Variants in MINDY4 observed in about 807,000 individuals in gnomAD.
MINDY4 encodes the protein probable ubiquitin carboxyl-terminal hydrolase MINDY-4.
A neutral mutation model predicts 87.0 loss-of-function variants in MINDY4; 68 were observed. The ratio of observed to expected loss-of-function variants is 0.78; its 90% confidence interval spans 0.64 to 0.96. The LOEUF is 0.96. Among genes scored for constraint, MINDY4 ranks in the 40% least tolerant of loss-of-function variants. The pLI is 0.00. For missense variants in MINDY4, 919 were observed against 928.2 expected (o/e 0.99, Z 0.13); for synonymous variants, 379 against 363.2 (o/e 1.04, Z -0.50).
In MINDY4 at chr7:30,836,682, G is replaced by T; in HGVS notation, c.1157G>T (p.Arg386Met). ...RLEDVEDELI[R>M]EEVILSPVPS... Reference sequence around the variant, plus strand: ...GAGGATGTGGAGGATGAGTTGATAAGGGAAGAGGTCATCCTGTCGCCAGTC... The same window carrying T: ...GAGGATGTGGAGGATGAGTTGATAATGGAAGAGGTCATCCTGTCGCCAGTC... The change falls in exon 7 of 18, where the codon AGG (arginine) becomes ATG (methionine). Residue 386 changes from arginine to methionine, a missense_variant. By Grantham distance (91) the Arg-to-Met change is moderately conservative (BLOSUM62 -1). Transcript: ENST00000265299. 3.1e-6 allele frequency: 5 copies of T among 1,614,134 alleles called. No individual in the cohort carries two copies. Among genetic ancestry groups the T allele is most frequent in the Non-Finnish European group, 4.2e-6 (5 of 1,180,002 alleles).
chr7:30,862,254 G>A (rs77816591), intron 13 of MINDY4, among the ~76,000 whole-genome samples: 2 of 152,200 alleles, frequency 1.3e-5, no homozygotes, highest in Non-Finnish European at 2.9e-5. Context: ...GAGGAAAGAC[G>A]GGAATGCCAG....
intron 13 of MINDY4, among the ~76,000 whole-genome samples, chr7:30,861,230 T>A (rs1044483086): frequency 3.3e-5 from 5 of 152,216 alleles, no homozygotes; most frequent in African/African-American, 1.2e-4. Flanking sequence ...TGTCTTACAC[T>A]GTGGCCTCCC....
intron 13 of MINDY4, among the ~76,000 whole-genome samples, chr7:30,871,169 A>G (rs557646845): frequency 6.6e-6 from 1 of 152,050 alleles, no homozygotes; most frequent in African/African-American, 2.4e-5. Context: ...AGTGGGGGGG[A>G]CAGACCTGGG....
At chr7:30,816,605 C>A (rs1788158376) in intron 5 of MINDY4, among the ~76,000 whole-genome samples, 1 of 151,382 alleles carries the variant, frequency 6.6e-6, no homozygotes, top group African/African-American at 2.4e-5. Flanking sequence ...TTTCTCCCTC[C>A]CTCCCGCCCC....
chr7:30,846,848 C>T (rs1368760727), intron 9 of MINDY4, among the ~76,000 whole-genome samples: 4 of 152,228 alleles, frequency 2.6e-5, no homozygotes, highest in East Asian at 3.8e-4. Flanking sequence ...CTAGATCCCT[C>T]GCATGCACAA....
chr7:30,871,591 G>C (rs1394765548), intron 13 of MINDY4, among the ~76,000 whole-genome samples: 1 of 152,198 alleles, frequency 6.6e-6, no homozygotes, highest in African/African-American at 2.4e-5. Context: ...CAGCAAAGTA[G>C]GTTTTCACCT....
intron 17 of MINDY4, among the ~76,000 whole-genome samples, chr7:30,885,684 G>A (rs1207020993): frequency 6.6e-6 from 1 of 151,554 alleles, no homozygotes. Context: ...CACACTTTGA[G>A]AACCAGGTAA....
At chr7:30,885,427 G>T (rs1001650770) in intron 17 of MINDY4, among the ~76,000 whole-genome samples, 33 of 152,102 alleles carry the variant, frequency 2.2e-4, no homozygotes, top group Non-Finnish European at 4.9e-4. Context: ...CAGGAGAATC[G>T]CTTGAACCTG....
intron 5 of MINDY4, among the ~76,000 whole-genome samples, chr7:30,808,861 A>G (rs1018598160): frequency 9.2e-5 from 14 of 151,974 alleles, no homozygotes; most frequent in Admixed American, 2.0e-4. Context: ...CAGCATAAAC[A>G]GCTGGCAGAG....
intron 9 of MINDY4, among the ~76,000 whole-genome samples, chr7:30,843,512 C>T (rs1281865968): frequency 2.7e-5 from 4 of 149,628 alleles, no homozygotes; most frequent in Non-Finnish European, 5.9e-5. Flanking sequence ...GATGGTTTCC[C>T]AACAGTCAGG....
chr7:30,795,845 G>C (rs1419730147), intron 5 of MINDY4, among the ~76,000 whole-genome samples: 2 of 152,148 alleles, frequency 1.3e-5, no homozygotes, highest in Non-Finnish European at 2.9e-5. Context: ...GCTGAATCCT[G>C]CTCAGGCTGC....
chr7:30,877,847 TTTTTTTTTTTTA>T (rs1790320068), intron 15 of MINDY4, among the ~76,000 whole-genome samples: 1 of 103,480 alleles, frequency 9.7e-6, no homozygotes, highest in African/African-American at 5.2e-5. Flanking sequence ...TTTTTTTTTT[TTTTTTTTTTTTA>T]AGTAGAGATG....
chr7:30,801,143 G>A (rs1787638941), intron 5 of MINDY4, among the ~76,000 whole-genome samples: 2 of 152,142 alleles, frequency 1.3e-5, no homozygotes, highest in South Asian at 2.1e-4. Flanking sequence ...TGTGCCAGCC[G>A]GGACTTGGAG....
chr7:30,801,662 A>T (rs1787654530), intron 5 of MINDY4, among the ~76,000 whole-genome samples: 1 of 151,984 alleles, frequency 6.6e-6, no homozygotes, highest in South Asian at 2.1e-4. Context: ...GTTACAGGCC[A>T]CTCTGAGCCC....
chr7:30,876,191 G>A (rs1790252712), intron 15 of MINDY4, among the ~76,000 whole-genome samples: 1 of 151,926 alleles, frequency 6.6e-6, no homozygotes, highest in Non-Finnish European at 1.5e-5. Flanking sequence ...GCAATCCTTG[G>A]CATTCCTCGA....
At chr7:30,786,364 A>G (rs920674587) in intron 4 of MINDY4, 3 of 178,366 alleles carry the variant, frequency 1.7e-5, no homozygotes, top group South Asian at 1.5e-4. Flanking sequence ...TGTAATCCCA[A>G]TGCTTTGGGA....
chr7:30,807,926 G>A (rs959765045), intron 5 of MINDY4, among the ~76,000 whole-genome samples: 1 of 152,180 alleles, frequency 6.6e-6, no homozygotes, highest in African/African-American at 2.4e-5. Flanking sequence ...TGAAGCTCCC[G>A]GCCAAATAAA....
intron 5 of MINDY4, among the ~76,000 whole-genome samples, chr7:30,818,548 C>T (rs1186301013): frequency 6.6e-6 from 1 of 152,150 alleles, no homozygotes; most frequent in Non-Finnish European, 1.5e-5. Flanking sequence ...ATCTGAAGCC[C>T]AGAGAAGCTG....
chr7:30,871,163 G>T (rs1030591936), intron 13 of MINDY4, among the ~76,000 whole-genome samples: 2 of 152,134 alleles, frequency 1.3e-5, no homozygotes, highest in East Asian at 1.9e-4. Flanking sequence ...TGCAGAAGTG[G>T]GGGGGACAGA....
Sources: allele counts gnomAD v4.1 joint callset (sites outside exome capture counted in the v4.1 genomes callset), GRCh38; gene constraint gnomAD v4.1.1; transcripts MANE v1.5; gene names NCBI Gene and HGNC (gene_info 2026-07-23, HGNC 2026-07-21).